MAP4K4: variants seen among roughly 807,000 people sequenced by gnomAD.
MAP4K4 encodes mitogen-activated protein kinase kinase kinase kinase 4, also known as HPK/GCK-like kinase HGK.
A neutral mutation model predicts 189.6 loss-of-function variants in MAP4K4; 38 were observed. The observed-to-expected ratio is 0.20, with a 90% confidence interval of 0.15 to 0.26. The LOEUF (loss-of-function observed/expected upper bound fraction) is 0.26, where lower values mean the gene tolerates loss of function less well. MAP4K4 is among the 10% of genes least tolerant of loss of function. The pLI, the probability that MAP4K4 is intolerant of heterozygous loss-of-function variation, is 1.00. For missense variants in MAP4K4, 1,054 were observed against 1,726.9 expected, an observed-to-expected ratio of 0.61 and a Z score of 6.91; for synonymous variants, 610 against 624.3, an observed-to-expected ratio of 0.98 and a Z score of 0.34.
intron 2 of MAP4K4, among the ~76,000 whole-genome samples, chr2:101,705,474 T>C (rs2041835011): frequency 6.6e-6 from 1 of 152,172 alleles, no homozygotes; most frequent in South Asian, 2.1e-4. Context: ...TTTAAGTGGC[T>C]CAACCTCATC....
intron 3 of MAP4K4, among the ~76,000 whole-genome samples, chr2:101,811,155 C>A (rs962429924): frequency 6.6e-6 from 1 of 151,924 alleles, no homozygotes; most frequent in Non-Finnish European, 1.5e-5. Flanking sequence ...GGGTGGATCA[C>A]GAGGTCAAGA....
rs375228116 is a variant in MAP4K4, at chr2:101,874,201, C to T, written c.3190C>T (p.Arg1064Cys). The change falls in exon 26 of 33, where the codon CGT becomes TGT. Residue 1064 changes from arginine (R) to cysteine (C), a missense_variant. Physicochemically the swap from Arg to Cys is radical, Grantham distance 180. Transcript: ENST00000324219. ...GCCACAGAGTGACACCCCGGAGATT[C>T]GTAAATACAAGAAGAGGTTTAACTC... The T allele has an allele frequency of 6.8e-6, 11 of 1,613,226 alleles. No homozygotes were observed. Among genetic ancestry groups the T allele is most frequent in the South Asian group, 1.1e-5 (1 of 90,930 alleles).
chr2:101,883,769 A>G (rs1337972501), intron 28 of MAP4K4, among the ~76,000 whole-genome samples: 1 of 152,070 alleles, frequency 6.6e-6, no homozygotes, highest in Non-Finnish European at 1.5e-5. Context: ...GGATGTTGTC[A>G]TGCTTGGCAT....
intron 2 of MAP4K4, among the ~76,000 whole-genome samples, chr2:101,699,479 C>A (rs1375298437): frequency 6.6e-6 from 1 of 152,128 alleles, no homozygotes; most frequent in Admixed American, 6.5e-5. Flanking sequence ...CAATACTGAA[C>A]GTTTTCTAAA....
intron 2 of MAP4K4, among the ~76,000 whole-genome samples, chr2:101,774,009 G>A (rs893586014): frequency 6.6e-6 from 1 of 152,182 alleles, no homozygotes; most frequent in Non-Finnish European, 1.5e-5. Context: ...TGTGAACAGT[G>A]CAGCAACAAA....
intron 27 of MAP4K4, among the ~76,000 whole-genome samples, chr2:101,882,344 A>G (rs921892276): frequency 2.6e-5 from 4 of 151,950 alleles, no homozygotes; most frequent in South Asian, 2.1e-4. Flanking sequence ...CTCCTGTTCT[A>G]TTTGATTTAT....
At chr2:101,703,087 A>G (rs952227783) in intron 2 of MAP4K4, among the ~76,000 whole-genome samples, 1 of 151,998 alleles carries the variant, frequency 6.6e-6, no homozygotes, top group Non-Finnish European at 1.5e-5. Context: ...ATTTTGTTGG[A>G]ATTGGGGATC....
intron 27 of MAP4K4, among the ~76,000 whole-genome samples, chr2:101,879,057 C>T (rs1373823368): frequency 1.3e-5 from 2 of 151,814 alleles, no homozygotes; most frequent in Non-Finnish European, 2.9e-5. Flanking sequence ...AGACCAGGTG[C>T]GGTGGCGTAT....
chr2:101,891,804 ATAT>A (rs2098571286), exon 33 of MAP4K4: 1 of 151,442 alleles, frequency 6.6e-6, no homozygotes. Context: ...TAAGAAGTTA[ATAT>A]TTATAAAATG....
intron 2 of MAP4K4, among the ~76,000 whole-genome samples, chr2:101,759,081 C>A (rs532917494): frequency 6.7e-6 from 1 of 150,096 alleles, no homozygotes; most frequent in East Asian, 2.0e-4. Context: ...TGCAGTGAGC[C>A]GAGATCGCGT....
At chr2:101,726,841 A>T (rs2055669714) in intron 2 of MAP4K4, among the ~76,000 whole-genome samples, 1 of 152,204 alleles carries the variant, frequency 6.6e-6, no homozygotes, top group Non-Finnish European at 1.5e-5. Context: ...TGGGTAATTT[A>T]TGAAGAAAAG....
intron 3 of MAP4K4, among the ~76,000 whole-genome samples, chr2:101,816,240 A>G (rs1017426418): frequency 6.6e-6 from 1 of 152,132 alleles, no homozygotes; most frequent in African/African-American, 2.4e-5. Context: ...TGGGAGGATA[A>G]ATCATCTGTC....
At chr2:101,718,578 T>TG (rs1456154438) in intron 2 of MAP4K4, among the ~76,000 whole-genome samples, 1 of 16,120 alleles carries the variant, frequency 6.2e-5, no homozygotes. Context: ...GGTGGGGGGG[T>TG]GGGGGGGAGT....
At chr2:101,866,509 C>T in exon 19 of MAP4K4, 1 of 1,613,800 alleles carries the variant, frequency 6.2e-7, no homozygotes, top group Non-Finnish European at 8.5e-7. Context: ...CAGGGTCCAG[C>T]AACTCAGGAT....
intron 12 of MAP4K4, among the ~76,000 whole-genome samples, chr2:101,847,777 GCA>G (rs1436928764): frequency 6.6e-6 from 1 of 152,114 alleles, no homozygotes; most frequent in Non-Finnish European, 1.5e-5. Flanking sequence ...TGGCCTGAAT[GCA>G]CAGTGTTTAT....
rs1262506299 is a variant in MAP4K4 at position 101,882,646 on chromosome 2, A to G, written c.3481A>G (p.Thr1161Ala). 1 of 1,610,880 alleles carries G rather than the reference A, an allele frequency of 6.2e-7. No individual in the cohort carries two copies. Among genetic ancestry groups the G allele is most frequent in the Non-Finnish European group, 8.5e-7 (1 of 1,178,998 alleles). Reference sequence around the variant, plus strand: ...AGTTGAGAAGAAGCAGGGATGGACAACCGTAGGGGATTTGGAAGGATGTGT... The same window carrying G: ...AGTTGAGAAGAAGCAGGGATGGACAGCCGTAGGGGATTTGGAAGGATGTGT... Residue 1161 changes from threonine (T) to alanine (A), a missense_variant, in exon 28 of 33, where the codon ACC (threonine) becomes GCC (alanine). Coordinates refer to ENST00000324219, the Ensembl canonical transcript of MAP4K4.
At chr2:101,850,511 C>T (rs1005334281) in intron 12 of MAP4K4, among the ~76,000 whole-genome samples, 7 of 152,194 alleles carry the variant, frequency 4.6e-5, no homozygotes, top group African/African-American at 1.7e-4. Context: ...TTTTCTCACT[C>T]CTCCTTTCCT....
At chr2:101,710,653 A>G (rs968512648) in intron 2 of MAP4K4, among the ~76,000 whole-genome samples, 1 of 152,218 alleles carries the variant, frequency 6.6e-6, no homozygotes, top group Non-Finnish European at 1.5e-5. Flanking sequence ...CAGATGGGGA[A>G]TAGCAGGGGC....
At chr2:101,764,413 A>G (rs1575143211) in intron 2 of MAP4K4, among the ~76,000 whole-genome samples, 1 of 152,328 alleles carries the variant, frequency 6.6e-6, no homozygotes, top group African/African-American at 2.4e-5. Context: ...CTTGAGCTCA[A>G]ATTCCCATTG....
Sources: gnomAD v4.1 joint callset for allele counts (sites outside exome capture counted in the v4.1 genomes callset) on GRCh38, gnomAD v4.1.1 for gene constraint, MANE v1.5 for transcripts, NCBI Gene and HGNC (gene_info 2026-07-23, HGNC 2026-07-21) for gene names.